ARHGEF28: variants seen among roughly 807,000 people sequenced by gnomAD.
ARHGEF28 encodes the protein 190 kDa guanine nucleotide exchange factor.
Under a neutral mutation model 206.6 loss-of-function variants are expected in ARHGEF28, and 152 were observed. That is an observed-to-expected ratio of 0.74 (90% confidence interval 0.64 to 0.84). ARHGEF28 has a LOEUF of 0.84. Ranked by LOEUF, ARHGEF28 falls within the 40% of genes least tolerant of loss-of-function variation. The pLI is 0.00. For synonymous variants in ARHGEF28, 763 were observed against 776.4 expected (o/e 0.98, Z 0.29); for missense variants, 2,028 against 2,073.2 (o/e 0.98, Z 0.42).
chr5:73,743,357 A>G (rs184262686), intron 2 of ARHGEF28, among the ~76,000 whole-genome samples: 40 of 152,018 alleles, frequency 2.6e-4, no homozygotes, highest in African/African-American at 9.6e-4. Flanking sequence ...TTATGTCCTC[A>G]TTGTTTCCAT....
intron 9 of ARHGEF28, among the ~76,000 whole-genome samples, chr5:73,805,566 A>G (rs967920298): frequency 6.6e-6 from 1 of 152,184 alleles, no homozygotes; most frequent in Non-Finnish European, 1.5e-5. Flanking sequence ...ACCACTCTAC[A>G]TGTATTGCAC....
chr5:73,643,018 C>T (rs1324856401), intron 1 of ARHGEF28, among the ~76,000 whole-genome samples: 1 of 152,220 alleles, frequency 6.6e-6, no homozygotes. Context: ...TTGGGTCCCA[C>T]ACATGCTATG....
At chr5:73,867,014 T>C (rs1312227863) in intron 18 of ARHGEF28, among the ~76,000 whole-genome samples, 1 of 152,226 alleles carries the variant, frequency 6.6e-6, no homozygotes, top group Non-Finnish European at 1.5e-5. Context: ...CACATCACTC[T>C]CTTGCCTTGA....
chr5:73,855,600 TG>T (rs1173158182), intron 14 of ARHGEF28, among the ~76,000 whole-genome samples: 1 of 151,834 alleles, frequency 6.6e-6, no homozygotes, highest in Admixed American at 6.6e-5. Context: ...GGCCTGGTGG[TG>T]GGCGCCTGTA....
intron 1 of ARHGEF28, among the ~76,000 whole-genome samples, chr5:73,633,000 A>G (rs955623469): frequency 1.3e-5 from 2 of 151,872 alleles, no homozygotes; most frequent in African/African-American, 4.8e-5. Flanking sequence ...CTGCAACTAG[A>G]TGGTCCTACC....
At chr5:73,692,591 A>G (rs954449136) in intron 2 of ARHGEF28, among the ~76,000 whole-genome samples, 1 of 152,166 alleles carries the variant, frequency 6.6e-6, no homozygotes, top group African/African-American at 2.4e-5. Flanking sequence ...TCTGATGTCT[A>G]GAGGTAGTGG....
At chr5:73,897,877 A>T in intron 29 of ARHGEF28, 85 bp from the exon 30 acceptor site, 1 of 1,436,444 alleles carries the variant, frequency 7.0e-7, no homozygotes, top group Non-Finnish European at 9.4e-7. Context: ...GGGACAGGCC[A>T]AATGCGATTT....
intron 35 of ARHGEF28, among the ~76,000 whole-genome samples, chr5:73,920,649 A>T (rs1333929296): frequency 2.8e-5 from 4 of 143,474 alleles, no homozygotes; most frequent in African/African-American, 1.0e-4. Context: ...TCTTGGGTTC[A>T]TGCCATTCTC....
intron 1 of ARHGEF28, among the ~76,000 whole-genome samples, chr5:73,631,391 A>G (rs1407575438): frequency 2.0e-5 from 3 of 152,144 alleles, no homozygotes; most frequent in Non-Finnish European, 4.4e-5. Context: ...CTGTATGATC[A>G]GGTGTTAGAG....
chr5:73,690,357 T>G (rs1248703894), intron 2 of ARHGEF28, among the ~76,000 whole-genome samples: 2 of 151,896 alleles, frequency 1.3e-5, no homozygotes, highest in African/African-American at 4.8e-5. Flanking sequence ...CAAATACCTA[T>G]TCTACTTATT....
At chr5:73,690,172 G>A (rs561477196) in intron 2 of ARHGEF28, among the ~76,000 whole-genome samples, 15 of 152,222 alleles carry the variant, frequency 9.9e-5, no homozygotes, top group East Asian at 3.9e-4. Context: ...GATAGGAAAC[G>A]ATGCAAGGAC....
In ARHGEF28 at chr5:73,766,460, T is replaced by A. The variant is rs187020404; in HGVS notation, c.476-7395T>A. ...TTTTTGTTGTTCTTTGGTAAAATCT[T>A]ATACCTAATAGATCTTAATTAAGAG... On this transcript the variant is annotated intron_variant, in intron 4 of 35. Transcript: ENST00000513042. Among the ~76,000 whole-genome samples, 102 of 152,362 alleles carry A rather than the reference T, an allele frequency of 6.7e-4. 2 individuals carry two copies. The highest frequency in any genetic ancestry group is 2.3e-3 in the African/African-American group (97 of 41,586).
intron 1 of ARHGEF28, among the ~76,000 whole-genome samples, chr5:73,677,669 C>T (rs976175358): frequency 5.3e-5 from 8 of 152,266 alleles, no homozygotes; most frequent in South Asian, 4.2e-4. Flanking sequence ...ATGTATTCCC[C>T]GTAAGTCTAT....
intron 35 of ARHGEF28, among the ~76,000 whole-genome samples, chr5:73,927,942 G>T (rs1046012736): frequency 6.6e-6 from 1 of 152,114 alleles, no homozygotes; most frequent in Non-Finnish European, 1.5e-5. Flanking sequence ...CTGTGGTTCG[G>T]AAAGATGTTT....
At chr5:73,885,206 C>T (rs1043853409) in intron 24 of ARHGEF28, among the ~76,000 whole-genome samples, 6 of 152,026 alleles carry the variant, frequency 3.9e-5, no homozygotes, top group Admixed American at 3.3e-4. Flanking sequence ...TGGCTTTGCC[C>T]CACAGCTGGC....
Position 73,760,012 on chromosome 5 carries a change from T to C in ARHGEF28, c.475+6810T>C, listed in dbSNP as rs1752521027. 2.0e-5 allele frequency among the ~76,000 whole-genome samples: 3 copies of C among 152,370 alleles called. No individual in the cohort carries two copies. In the South Asian group the frequency reaches 6.2e-4, roughly 32 times the overall value. On this transcript the variant is annotated intron_variant, in intron 4 of 35. Transcript: ENST00000513042. ...GGCTTGTGGTTTTATCTTTGAATAC[T>C]GTCTGCTGGCTGTAGATATAGAAAG... is the stretch of plus-strand genomic sequence containing the variant.
At chr5:73,686,382 A>G (rs1747470988) in intron 2 of ARHGEF28, among the ~76,000 whole-genome samples, 1 of 152,142 alleles carries the variant, frequency 6.6e-6, no homozygotes, top group African/African-American at 2.4e-5. Flanking sequence ...CGACCTCCTC[A>G]TGTAGCTATT....
chr5:73,869,955 T>G lies in ARHGEF28; in HGVS notation c.2426-114T>G. 2.3e-6 allele frequency: 3 copies of G among 1,292,236 alleles called. No individual in the cohort carries two copies. In the East Asian group the frequency reaches 7.1e-5, roughly 30 times the overall value. 80.0% of individuals were successfully genotyped at this position (1,292,236 alleles called of 1,614,324 possible). A position where few individuals can be genotyped will look rare whatever the true frequency, so the allele number is the denominator to read the frequency against. On this transcript the variant is annotated intron_variant, in intron 20 of 35. Transcript: ENST00000513042. ...ATGTTAATATGTTTTGGTTTAGTAG[T>G]TTCCATGTTCATAGCAGATTTATTT... is the stretch of plus-strand genomic sequence containing the variant.
intron 1 of ARHGEF28, among the ~76,000 whole-genome samples, chr5:73,681,616 A>G (rs1371972741): frequency 6.6e-6 from 1 of 151,870 alleles, no homozygotes; most frequent in African/African-American, 2.4e-5. Context: ...GGAGTTGGAG[A>G]CAATCCTGGC....
Sources: allele counts gnomAD v4.1 joint callset (sites outside exome capture counted in the v4.1 genomes callset), GRCh38; gene constraint gnomAD v4.1.1; transcripts MANE v1.5; gene names NCBI Gene and HGNC (gene_info 2026-07-23, HGNC 2026-07-21).